Variants in PARD3B observed in about 807,000 individuals in gnomAD.
The protein encoded by PARD3B is par-3 family cell polarity regulator beta.
Under a neutral mutation model 130.2 loss-of-function variants are expected in PARD3B, and 103 were observed. The ratio of observed to expected loss-of-function variants is 0.79; its 90% confidence interval spans 0.67 to 0.93. The LOEUF (loss-of-function observed/expected upper bound fraction) is 0.93, where lower values mean the gene tolerates loss of function less well. PARD3B is among the 40% of genes least tolerant of loss of function. The pLI is 0.00. For synonymous variants in PARD3B, 583 were observed against 553.2 expected (o/e 1.05, Z -0.76); for missense variants, 1,609 against 1,499.2 (o/e 1.07, Z -1.21).
intron 2 of PARD3B, among the ~76,000 whole-genome samples, chr2:204,902,888 A>G (rs532880627): frequency 2.0e-5 from 3 of 152,202 alleles, no homozygotes; most frequent in African/African-American, 7.2e-5. Flanking sequence ...ATCTAGTTTT[A>G]TGGGTACGAC....
rs138080140 is a variant in PARD3B, at chr2:204,918,356, C to T, written c.223-46796C>T. Among the ~76,000 whole-genome samples the T allele has an allele frequency of 9.8e-3, 1,484 of 152,128 alleles. 26 individuals carry two copies. Among genetic ancestry groups the T allele is most frequent in the African/African-American group, 0.034 (1,397 of 41,510 alleles). ...ATTGAAAATGCTTTTTTTGGCCGGG[C>T]GCAGTGGCTCACGCCTGTAATCCCA... On this transcript the variant is annotated intron_variant, in intron 2 of 22. Transcript: ENST00000406610.
chr2:204,959,616 G>A (rs1381124241), intron 2 of PARD3B, among the ~76,000 whole-genome samples: 1 of 152,184 alleles, frequency 6.6e-6, no homozygotes, highest in East Asian at 1.9e-4. Context: ...GTGTTTGTTT[G>A]TTGTTCTTGT....
intron 19 of PARD3B, among the ~76,000 whole-genome samples, chr2:205,420,161 A>C (rs1574975236): frequency 6.6e-6 from 1 of 152,156 alleles, no homozygotes; most frequent in Non-Finnish European, 1.5e-5. Context: ...AAGGAGCTAA[A>C]AGAAGCTGTG....
chr2:205,441,002 A>T (rs1240564706), intron 20 of PARD3B, among the ~76,000 whole-genome samples: 6 of 152,320 alleles, frequency 3.9e-5, no homozygotes, highest in Admixed American at 3.9e-4. Flanking sequence ...ATTGTAAAAG[A>T]TTTATTCAGG....
Position 205,230,822 on chromosome 2 carries a change from C to A in PARD3B, c.2141-14956C>A, listed in dbSNP as rs1343113655. Among the ~76,000 whole-genome samples the A allele has an allele frequency of 2.6e-5, 4 of 152,100 alleles. No individual in the cohort carries two copies. Among genetic ancestry groups the A allele is most frequent in the Non-Finnish European group, 5.9e-5 (4 of 68,024 alleles). ...CTCAGGTTCTGACTGCTGGGATGGG[C>A]AATTTCCCTCTGGCTAGGGCTGGTC... On this transcript the variant is annotated intron_variant, in intron 15 of 22. Coordinates refer to ENST00000406610, the MANE Select transcript of PARD3B (RefSeq NM_001302769.2). The surrounding 1 kb of genome is among the most constrained non-coding windows in gnomAD (Gnocchi z 4.1).
At chr2:205,324,565 T>TAA (rs1231849332) in intron 18 of PARD3B, among the ~76,000 whole-genome samples, 1 of 152,182 alleles carries the variant, frequency 6.6e-6, no homozygotes, top group Non-Finnish European at 1.5e-5. Context: ...TAGTAATGTT[T>TAA]AAAAATAAAT....
At chr2:205,225,737 C>T (rs151229176) in intron 15 of PARD3B, among the ~76,000 whole-genome samples, 32 of 152,154 alleles carry the variant, frequency 2.1e-4, no homozygotes, top group Middle Eastern at 3.4e-3. Context: ...GGGAAAGTGC[C>T]GCACACTTTT....
chr2:205,252,811 A>G (rs2039906680), intron 16 of PARD3B, among the ~76,000 whole-genome samples: 1 of 145,090 alleles, frequency 6.9e-6, no homozygotes, highest in African/African-American at 2.5e-5. Context: ...AGTAATATCA[A>G]TCTTTTGGTT....
chr2:205,173,238 T>G (rs1432874978), intron 12 of PARD3B, among the ~76,000 whole-genome samples: 2 of 152,218 alleles, frequency 1.3e-5, no homozygotes, highest in Admixed American at 1.3e-4. Flanking sequence ...AGTACTAGTT[T>G]TAATAAAGAG....
intron 21 of PARD3B, among the ~76,000 whole-genome samples, chr2:205,500,428 T>C (rs764707763): frequency 2.0e-5 from 3 of 152,152 alleles, no homozygotes; most frequent in Non-Finnish European, 4.4e-5. Context: ...GAGATGTCAG[T>C]TGTTTGTTTA....
intron 2 of PARD3B, among the ~76,000 whole-genome samples, chr2:204,913,630 A>C (rs1301762769): frequency 6.6e-6 from 1 of 152,212 alleles, no homozygotes; most frequent in Non-Finnish European, 1.5e-5. Context: ...AGTTTTCATC[A>C]GTTGCTATGA....
chr2:205,572,268 T>C lies in PARD3B; in HGVS notation c.3260+18865T>C, dbSNP rs918987035. On this transcript the variant is annotated intron_variant, in intron 22 of 22. Transcript: ENST00000406610. This position sits in a 1 kb window ranked among gnomAD's most constrained non-coding sequence, Gnocchi z 4.2. ...TATTTCAGTCAAGTAGAATAAGTGC[T>C]AAAATTTTATATGCATAAATGGAAT... is the stretch of plus-strand genomic sequence containing the variant. Among the ~76,000 whole-genome samples the C allele has an allele frequency of 1.3e-5, 2 of 152,220 alleles. No homozygotes were observed. The highest frequency in any genetic ancestry group is 4.8e-5 in the African/African-American group (2 of 41,456).
At position 205,142,097 on chromosome 2, in the gene PARD3B, G is replaced by A. The variant is rs544001421; in HGVS notation, c.1434+16360G>A. 3.7e-4 allele frequency among the ~76,000 whole-genome samples: 57 copies of A among 152,096 alleles called. No individual in the cohort carries two copies. Among genetic ancestry groups the A allele is most frequent in the African/African-American group, 1.3e-3 (52 of 41,404 alleles). On this transcript the variant is annotated intron_variant, in intron 10 of 22. Coordinates refer to ENST00000406610, the MANE Select transcript of PARD3B (RefSeq NM_001302769.2). The surrounding 1 kb of genome is among the most constrained non-coding windows in gnomAD (Gnocchi z 4.3). ...TAATAATAAATAACCATGATATAAC[G>A]TGATTAGTGCTATGCTTTTATTATG...
At chr2:205,145,190 A>G (rs1157455251) in intron 10 of PARD3B, among the ~76,000 whole-genome samples, 1 of 152,028 alleles carries the variant, frequency 6.6e-6, no homozygotes, top group Non-Finnish European at 1.5e-5. Context: ...GCTGTGTAGA[A>G]CACTCTCAAA....
chr2:204,624,479 G>T (rs11885882), intron 1 of PARD3B, among the ~76,000 whole-genome samples: 2 of 152,070 alleles, frequency 1.3e-5, no homozygotes, highest in African/African-American at 4.8e-5. Context: ...CTATACAAAA[G>T]AATTTAAATC....
At chr2:205,111,217 T>G (rs1703622780) in intron 5 of PARD3B, among the ~76,000 whole-genome samples, 1 of 152,054 alleles carries the variant, frequency 6.6e-6, no homozygotes, top group African/African-American at 2.4e-5. Context: ...TAAACAAAAT[T>G]GAAAGTCTGC....
intron 22 of PARD3B, among the ~76,000 whole-genome samples, chr2:205,596,894 A>G (rs1320048845): frequency 6.6e-6 from 1 of 152,116 alleles, no homozygotes; most frequent in African/African-American, 2.4e-5. Context: ...TGACATGGAG[A>G]TGAGATAGTC....
chr2:204,661,627 G>A (rs1236185512), intron 1 of PARD3B, among the ~76,000 whole-genome samples: 3 of 151,852 alleles, frequency 2.0e-5, no homozygotes, highest in African/African-American at 7.3e-5. Flanking sequence ...AAGTATATGT[G>A]GCTTATATTT....
chr2:205,466,803 C>T (rs1213707956), intron 20 of PARD3B, among the ~76,000 whole-genome samples: 5 of 152,348 alleles, frequency 3.3e-5, no homozygotes, highest in Non-Finnish European at 7.3e-5. Context: ...ATCTCCACCT[C>T]CCAGGTTCAA....
Sources: allele counts gnomAD v4.1 joint callset (sites outside exome capture counted in the v4.1 genomes callset), GRCh38; gene constraint gnomAD v4.1.1; non-coding constraint Gnocchi (gnomAD v3.1); transcripts MANE v1.5; gene names NCBI Gene and HGNC (gene_info 2026-07-23, HGNC 2026-07-21).